C4orf54: variants seen among roughly 807,000 people sequenced by gnomAD.
C4orf54 encodes the protein chromosome 4 open reading frame 54.
Under a neutral mutation model 80.1 loss-of-function variants are expected in C4orf54, and 67 were observed. The observed-to-expected ratio is 0.84, with a 90% confidence interval of 0.69 to 1.03. The LOEUF (loss-of-function observed/expected upper bound fraction) is 1.03. Among genes scored for constraint, C4orf54 ranks in the 50% least tolerant of loss-of-function variants. The pLI is 0.00. For missense variants in C4orf54, 2,434 were observed against 2,253.5 expected (o/e 1.08, Z -1.62); for synonymous variants, 1,000 against 917.0 (o/e 1.09, Z -1.64).
chr4:99,640,575 G>A lies in C4orf54; in HGVS notation c.*658C>T, dbSNP rs1726589650. ...AATAGTGTCGTGGCATTGTACAAAT[G>A]GGAAAAATAAAATAAAGCACAAACA... On this transcript the variant is annotated 3_prime_UTR_variant, in exon 3 of 3. Transcript: ENST00000511828. 6.6e-6 allele frequency: 1 copy of A among 152,022 alleles called. No homozygotes were observed. The highest frequency in any genetic ancestry group is 1.5e-5 in the Non-Finnish European group (1 of 67,966). 9.4% of individuals were successfully genotyped at this position (152,022 alleles called of 1,614,324 possible).
In C4orf54 at chr4:99,651,058, T is replaced by TG; in HGVS notation, c.3590dup (p.Ser1198IlefsTer13). ...TGGTAGCCACAGGCAGCCTGCCAGA[T>TG]GCCCTGTGAACCAAGACTGTCCCTT... On this transcript the variant is annotated frameshift_variant, in exon 2 of 3. Transcript: ENST00000511828. LOFTEE classifies it high-confidence loss of function. 6.5e-7 allele frequency: 1 copy of TG among 1,536,136 alleles called. No homozygotes were observed.
intron 2 of C4orf54, among the ~76,000 whole-genome samples, chr4:99,642,115 T>G (rs1726616778): frequency 6.6e-6 from 1 of 152,218 alleles, no homozygotes; most frequent in Admixed American, 6.5e-5. Flanking sequence ...GTTTATTTTA[T>G]TGTGTTGTAC....
rs1029885186 is a variant in C4orf54, at chr4:99,650,159, T to C, written c.4490A>G (p.Asn1497Ser). ...RPGASREGPP[N>S]SSAATLCSLP... is the part of the protein sequence containing the mutation. ...ACTACAGAGAGTGGCAGCTGAGGAG[T>C]TGGGGGGCCCCTCCCTGGAAGCCCC... The change falls in exon 2 of 3, where the codon AAC becomes AGC. Residue 1497 changes from asparagine to serine, a missense_variant. Physicochemically the swap from Asn to Ser is conservative, Grantham distance 46. Coordinates refer to ENST00000511828, the MANE Select transcript of C4orf54 (RefSeq NM_001354435.2). The C allele has an allele frequency of 9.1e-6, 14 of 1,534,732 alleles. No homozygotes were observed. The highest frequency in any genetic ancestry group is 1.4e-5 in the African/African-American group (1 of 72,596).
intron 1 of C4orf54, among the ~76,000 whole-genome samples, chr4:99,655,292 A>G (rs1726961095): frequency 6.6e-6 from 1 of 152,194 alleles, no homozygotes; most frequent in East Asian, 1.9e-4. Flanking sequence ...ACTTTTCATT[A>G]TGGTCACTAA....
rs1407487301 is a variant in C4orf54 at position 99,649,674 on chromosome 4, A to G, written c.4975T>C (p.Ser1659Pro). The change falls in exon 2 of 3, where the codon TCC (serine) becomes CCC (proline). Residue 1659 changes from serine to proline, a missense_variant. Physicochemically the swap from Ser to Pro is moderately conservative, Grantham distance 74 (BLOSUM62 -1). Coordinates refer to ENST00000511828, the MANE Select transcript of C4orf54 (RefSeq NM_001354435.2). Reference protein sequence around the residue: ...TSQQQAVAPMSISVPPLALSP... With the variant: ...TSQQQAVAPMPISVPPLALSP... ...AGGGCCAAGGGAGGCACAGAGATGG[A>G]CATGGGAGCCACAGCCTGCTGCTGG... The G allele has an allele frequency of 6.5e-7, 1 of 1,536,172 alleles. No homozygotes were observed. The highest frequency in any genetic ancestry group is 2.4e-5 in the East Asian group (1 of 40,912).
rs774351226 is a variant in C4orf54, at chr4:99,653,334, T to G, written c.1315A>C (p.Thr439Pro). Residue 439 changes from threonine (T) to proline (P), a missense_variant, in exon 2 of 3, where the codon ACC (threonine) becomes CCC (proline). By Grantham distance (38) the Thr-to-Pro change is conservative. Transcript: ENST00000511828. ...NSCYLSTTPS[T>P]NTTRTPSPTS... ...GGGCTGGGCGTCCGGGTGGTGTTGG[T>G]GCTGGGAGTGGTGCTGAGGTAGCAG... 6.5e-7 allele frequency: 1 copy of G among 1,534,884 alleles called. No homozygotes were observed. Among genetic ancestry groups the G allele is most frequent in the South Asian group, 1.2e-5 (1 of 83,968 alleles).
chr4:99,646,638 C>T (rs1726705749), intron 2 of C4orf54, among the ~76,000 whole-genome samples: 1 of 152,158 alleles, frequency 6.6e-6, no homozygotes, highest in South Asian at 2.1e-4. Flanking sequence ...CTCAGTAAAA[C>T]CATTTCTTTC....
Position 99,654,380 on chromosome 4 carries a change from A to T in C4orf54, c.269T>A (p.Val90Glu). 1 of 978,956 alleles carries T rather than the reference A, an allele frequency of 1.0e-6. No homozygotes were observed. Among genetic ancestry groups the T allele is most frequent in the Non-Finnish European group, 1.6e-6 (1 of 638,252 alleles). The allele number at this position is 978,956 out of a possible 1,614,324, so 60.6% of individuals were successfully genotyped here. A position where few individuals can be genotyped will look rare whatever the true frequency, so the allele number is the denominator to read the frequency against. ...PPQGLKNWEV[V>E]AAVAAVPTAL... ...TGTAGGCACTGCTGCCACTGCTGCC[A>T]CCACCTCCCAGTTCTTCAGCCCCTG... Residue 90 changes from valine to glutamate, a missense_variant, in exon 2 of 3, where the codon GTG becomes GAG. Physicochemically the swap from Val to Glu is moderately radical, Grantham distance 121. Coordinates refer to ENST00000511828, the MANE Select transcript of C4orf54 (RefSeq NM_001354435.2).
In C4orf54 at chr4:99,650,310, G is replaced by A; in HGVS notation, c.4339C>T (p.Pro1447Ser). The A allele has an allele frequency of 6.5e-7, 1 of 1,536,096 alleles. No individual in the cohort carries two copies. Among genetic ancestry groups the A allele is most frequent in the Non-Finnish European group, 8.7e-7 (1 of 1,146,904 alleles). The change falls in exon 2 of 3, where the codon CCT becomes TCT. Residue 1447 changes from proline (P) to serine (S), a missense_variant. Transcript: ENST00000511828. ...SLKISPATRA[P>S]PDEVTNRKSG... is the part of the protein sequence containing the mutation. Reference sequence around the variant, plus strand: ...TTCCTGTTGGTCACCTCATCAGGAGGTGCCCGGGTGGCTGGAGAGATCTTG... The same window carrying A: ...TTCCTGTTGGTCACCTCATCAGGAGATGCCCGGGTGGCTGGAGAGATCTTG...
rs1726505435 is a variant in C4orf54, at chr4:99,636,558, A to G, written c.*4675T>C. On this transcript the variant is annotated 3_prime_UTR_variant, in exon 3 of 3. Coordinates refer to ENST00000511828, the MANE Select transcript of C4orf54 (RefSeq NM_001354435.2). ...CTTTGAAGTAATTTTTACTGGGAAA[A>G]AAAAACAATAAAACATTTTTTTTCC... The G allele has an allele frequency of 6.6e-6, 1 of 152,212 alleles. No homozygotes were observed. Among genetic ancestry groups the G allele is most frequent in the Admixed American group, 6.5e-5 (1 of 15,278 alleles). 9.4% of individuals were successfully genotyped at this position (152,212 alleles called of 1,614,324 possible).
At chr4:99,656,303 G>A (rs1178938101) in intron 1 of C4orf54, among the ~76,000 whole-genome samples, 1 of 150,774 alleles carries the variant, frequency 6.6e-6, no homozygotes, top group Admixed American at 6.6e-5. Flanking sequence ...CTTTTGAGAC[G>A]GAGACTTACT....
rs1160020963 is a variant in C4orf54 at position 99,650,731 on chromosome 4, A to G, written c.3918T>C (p.Asp1306=). The change falls in exon 2 of 3, where the codon GAT becomes GAC. Residue 1306 remains aspartate (D), a synonymous_variant. Transcript: ENST00000511828. ...SEEREGVVVA[D]GDHDKLSKRL... ...GTTTGGACAGCTTGTCGTGGTCTCC[A>G]TCAGCAACCACTACCCCTTCCCTCT... is the stretch of plus-strand genomic sequence containing the variant. The G allele has an allele frequency of 1.3e-6, 2 of 1,536,084 alleles. No homozygotes were observed.
chr4:99,653,421 C>T lies in C4orf54; in HGVS notation c.1228G>A (p.Gly410Ser). Residue 410 changes from glycine (G) to serine (S), a missense_variant, in exon 2 of 3, where the codon GGT becomes AGT. Transcript: ENST00000511828. Reference sequence around the variant, plus strand: ...TCCCCTGGGGTCTCGTCGCTGCCACCAAAGGAAGCATAATCCACGAACGAG... The same window carrying T: ...TCCCCTGGGGTCTCGTCGCTGCCACTAAAGGAAGCATAATCCACGAACGAG... The part of the protein sequence containing the change: ...IYSFVDYASF[G>S]GSDETPGDIT... The T allele has an allele frequency of 6.5e-7, 1 of 1,536,230 alleles. No homozygotes were observed. Among genetic ancestry groups the T allele is most frequent in the Non-Finnish European group, 8.7e-7 (1 of 1,146,912 alleles).
At chr4:99,643,493 C>G (rs925214098) in intron 2 of C4orf54, among the ~76,000 whole-genome samples, 1 of 152,106 alleles carries the variant, frequency 6.6e-6, no homozygotes, top group African/African-American at 2.4e-5. Flanking sequence ...AGATTTCACC[C>G]TTACCTTTAC....
At chr4:99,645,204 G>A (rs1437598013) in intron 2 of C4orf54, among the ~76,000 whole-genome samples, 2 of 151,944 alleles carry the variant, frequency 1.3e-5, no homozygotes, top group Non-Finnish European at 2.9e-5. Flanking sequence ...TGGGTTTGAT[G>A]ATCTAAGGAC....
Position 99,650,564 on chromosome 4 carries a change from A to T in C4orf54, c.4085T>A (p.Leu1362Gln), listed in dbSNP as rs1300986261. 1 of 1,535,902 alleles carries T rather than the reference A, an allele frequency of 6.5e-7. No homozygotes were observed. The highest frequency in any genetic ancestry group is 1.7e-4 in the Middle Eastern group (1 of 6,012). The change falls in exon 2 of 3, where the codon CTG (leucine) becomes CAG (glutamine). Residue 1362 changes from leucine to glutamine, a missense_variant. Transcript: ENST00000511828. Reference sequence around the variant, plus strand: ...GAGAGATCGGGGTCTTTCCCTGGCCAGGTTCTCAAAGGCCGCTGCCCTGGC... The same window carrying T: ...GAGAGATCGGGGTCTTTCCCTGGCCTGGTTCTCAAAGGCCGCTGCCCTGGC... ...VSARAAAFEN[L>Q]ARERPRSLYI...
At position 99,650,849 on chromosome 4, in the gene C4orf54, A is replaced by C. The variant is rs962909121; in HGVS notation, c.3800T>G (p.Leu1267Arg). Residue 1267 changes from leucine to arginine, a missense_variant, in exon 2 of 3, where the codon CTG becomes CGG. By Grantham distance (102) the Leu-to-Arg change is moderately radical. Coordinates refer to ENST00000511828, the MANE Select transcript of C4orf54 (RefSeq NM_001354435.2). ...LTAAVRSMEELYSFNRNEWKR... is the reference protein window; with the variant it reads ...LTAAVRSMEERYSFNRNEWKR... ...CCACTCGTTCCTGTTGAAGCTGTAC[A>C]GCTCTTCCATGGACCTCACGGCTGC... 1 of 1,536,148 alleles carries C rather than the reference A, an allele frequency of 6.5e-7. No homozygotes were observed. Among genetic ancestry groups the C allele is most frequent in the Admixed American group, 2.0e-5 (1 of 51,002 alleles).
Position 99,651,299 on chromosome 4 carries a change from T to A in C4orf54, c.3350A>T (p.Asp1117Val). The A allele has an allele frequency of 6.5e-7, 1 of 1,536,094 alleles. No homozygotes were observed. Among genetic ancestry groups the A allele is most frequent in the Admixed American group, 2.0e-5 (1 of 51,004 alleles). The part of the protein sequence containing the change: ...DVRKLIKGSG[D>V]SSDKGSVTPE... ...GGTAACACTGCCCTTGTCACTACTA[T>A]CCCCTGACCCTTTAATTAGTTTCCT... Residue 1117 changes from aspartate to valine, a missense_variant, in exon 2 of 3, where the codon GAT becomes GTT. Asp to Val is a radical substitution (Grantham distance 152). Transcript: ENST00000511828.
At chr4:99,656,632 A>G (rs1051788088) in intron 1 of C4orf54, among the ~76,000 whole-genome samples, 1 of 152,228 alleles carries the variant, frequency 6.6e-6, no homozygotes, top group Non-Finnish European at 1.5e-5. Flanking sequence ...CTTACATAGC[A>G]TTTACTATGT....
Sources: allele counts gnomAD v4.1 joint callset (sites outside exome capture counted in the v4.1 genomes callset), GRCh38; gene constraint gnomAD v4.1.1; transcripts MANE v1.5; gene names NCBI Gene and HGNC (gene_info 2026-07-23, HGNC 2026-07-21).